TENM2: variants seen among roughly 807,000 people sequenced by gnomAD.
TENM2 encodes the protein teneurin-2.
TENM2 carries 52 observed loss-of-function variants against 245.2 expected under a neutral mutation model. That is an observed-to-expected ratio of 0.21 (90% confidence interval 0.17 to 0.27). The LOEUF (loss-of-function observed/expected upper bound fraction) is 0.27. TENM2 is among the 10% of genes least tolerant of loss of function. The pLI is 1.00. For synonymous variants in TENM2, 1,363 were observed against 1,438.9 expected (o/e 0.95, Z 1.19); for missense variants, 3,046 against 3,666.8 (o/e 0.83, Z 4.37).
chr5:167,647,862 T>C (rs1376298057), intron 2 of TENM2, among the ~76,000 whole-genome samples: 1 of 152,134 alleles, frequency 6.6e-6, no homozygotes, highest in Non-Finnish European at 1.5e-5. Flanking sequence ...TTTGGCCTTG[T>C]CTTGACTTTC....
chr5:167,578,921 A>G (rs1360954236), intron 2 of TENM2, among the ~76,000 whole-genome samples: 1 of 152,236 alleles, frequency 6.6e-6, no homozygotes, highest in Non-Finnish European at 1.5e-5. Flanking sequence ...AATTATTAGT[A>G]CAATTAAGTA....
intron 1 of TENM2, among the ~76,000 whole-genome samples, chr5:167,342,590 C>A (rs998455360): frequency 7.8e-6 from 1 of 128,800 alleles, no homozygotes; most frequent in Non-Finnish European, 1.6e-5. Flanking sequence ...TGCAGTGGCG[C>A]AATCTCGGCT....
intron 2 of TENM2, among the ~76,000 whole-genome samples, chr5:167,550,422 G>T (rs758782152): frequency 6.6e-6 from 1 of 152,154 alleles, no homozygotes; most frequent in Non-Finnish European, 1.5e-5. Context: ...TTCCACCAAG[G>T]AGTCAGAAAT....
At chr5:167,209,589 G>T in the TENM2 span, among the ~76,000 whole-genome samples, 1 of 152,014 alleles carries the variant, frequency 6.6e-6, no homozygotes, top group Admixed American at 6.6e-5. Flanking sequence ...AACTTATATT[G>T]ACTGCTTAAG....
intron 2 of TENM2, among the ~76,000 whole-genome samples, chr5:167,744,263 G>C (rs1275987548): frequency 6.6e-6 from 1 of 152,124 alleles, no homozygotes; most frequent in Non-Finnish European, 1.5e-5. Context: ...TAGGCATCAG[G>C]CAGTTGAAGA....
intron 2 of TENM2, among the ~76,000 whole-genome samples, chr5:167,836,789 GAA>G (rs5873070): frequency 6.6e-6 from 1 of 151,824 alleles, no homozygotes; most frequent in East Asian, 1.9e-4. Context: ...ACCCAACTCA[GAA>G]AAAAATGATC....
intron 2 of TENM2, among the ~76,000 whole-genome samples, chr5:167,787,293 C>CT (rs1561781350): frequency 6.6e-6 from 1 of 152,192 alleles, no homozygotes; most frequent in Non-Finnish European, 1.5e-5. Flanking sequence ...TACTTACATT[C>CT]TTTTTGTGAA....
chr5:167,891,379 G>A lies in TENM2; in HGVS notation c.712+15184G>A, dbSNP rs561434956. ...CAGCCTCAGCCTTCCCAGTTGAAGT[G>A]ATTCTCCTGCCTCAGCCTCCTGATT... On this transcript the variant is annotated intron_variant, in intron 3 of 28. Coordinates refer to ENST00000518659, the Ensembl canonical transcript of TENM2. Among the ~76,000 whole-genome samples, 13 of 152,248 alleles carry A rather than the reference G, an allele frequency of 8.5e-5. No homozygotes were observed. The South Asian group carries it at 2.5e-3, about 29-fold the overall frequency.
intron 9 of TENM2, among the ~76,000 whole-genome samples, chr5:168,110,247 G>A (rs1794577474): frequency 6.6e-6 from 1 of 151,940 alleles, no homozygotes; most frequent in African/African-American, 2.4e-5. Context: ...GGGAAAGGGT[G>A]CTTTACCCTG....
intron 2 of TENM2, among the ~76,000 whole-genome samples, chr5:167,537,385 C>A (rs1419586961): frequency 6.6e-6 from 1 of 151,918 alleles, no homozygotes; most frequent in African/African-American, 2.4e-5. Flanking sequence ...CACGTAGTGA[C>A]AATAATCTCA....
chr5:167,851,830 A>G (rs1256795986), intron 2 of TENM2, among the ~76,000 whole-genome samples: 1 of 152,232 alleles, frequency 6.6e-6, no homozygotes, highest in East Asian at 1.9e-4. Flanking sequence ...CATGTAAAAA[A>G]TAAAGTAGCC....
intron 3 of TENM2, among the ~76,000 whole-genome samples, chr5:167,887,697 T>G (rs1360880662): frequency 3.3e-5 from 5 of 152,214 alleles, no homozygotes; most frequent in Non-Finnish European, 7.3e-5. Flanking sequence ...GATAAATGTT[T>G]TGTAGGGTAC....
intron 2 of TENM2, among the ~76,000 whole-genome samples, chr5:167,834,186 T>C (rs1001851755): frequency 6.6e-6 from 1 of 152,222 alleles, no homozygotes; most frequent in Non-Finnish European, 1.5e-5. Flanking sequence ...ACAGGTACTT[T>C]ACCTCCTCTG....
intron 2 of TENM2, among the ~76,000 whole-genome samples, chr5:167,763,076 T>C (rs1324509838): frequency 6.6e-6 from 1 of 152,216 alleles, no homozygotes; most frequent in African/African-American, 2.4e-5. Context: ...ACTGTGGCCC[T>C]AATGCACACA....
chr5:167,574,400 C>T (rs1774499474), intron 2 of TENM2, among the ~76,000 whole-genome samples: 1 of 152,072 alleles, frequency 6.6e-6, no homozygotes, highest in African/African-American at 2.4e-5. Context: ...GAGACAGCTG[C>T]CATTTGAAAT....
intron 1 of TENM2, among the ~76,000 whole-genome samples, chr5:167,368,287 T>C (rs1193774056): frequency 6.6e-6 from 1 of 152,192 alleles, no homozygotes; most frequent in Non-Finnish European, 1.5e-5. Context: ...GAATGATGCA[T>C]ATTTTTTTTC....
chr5:168,156,247 T>TTAAAAAAA (rs371161830), intron 12 of TENM2, among the ~76,000 whole-genome samples: 4 of 80,794 alleles, frequency 5.0e-5, no homozygotes, highest in Non-Finnish European at 8.5e-5. Context: ...TCCCCATAGT[T>TTAAAAAAA]AAAAAAAAAA....
At chr5:167,422,381 A>T (rs1763562701) in intron 2 of TENM2, among the ~76,000 whole-genome samples, 2 of 152,164 alleles carry the variant, frequency 1.3e-5, no homozygotes, top group Admixed American at 6.5e-5. Context: ...ATTCATGCAG[A>T]TCAACACGTC....
chr5:167,570,541 T>C (rs1019021237), intron 2 of TENM2, among the ~76,000 whole-genome samples: 6 of 152,188 alleles, frequency 3.9e-5, no homozygotes, highest in African/African-American at 1.4e-4. Flanking sequence ...AGGTCGTATG[T>C]AGAATAATGT....
Sources: allele counts gnomAD v4.1 joint callset (sites outside exome capture counted in the v4.1 genomes callset), GRCh38; gene constraint gnomAD v4.1.1; transcripts MANE v1.5; gene names NCBI Gene and HGNC (gene_info 2026-07-23, HGNC 2026-07-21).